The following AUTS2 variants were observed in gnomAD, a reference collection of about 807,000 sequenced individuals.
AUTS2 encodes the protein activator of transcription and developmental regulator AUTS2.
Under a neutral mutation model 112.4 loss-of-function variants are expected in AUTS2, and 17 were observed. The observed-to-expected ratio is 0.15, with a 90% CI of 0.10 to 0.23. The LOEUF is 0.23. Ranked by LOEUF, AUTS2 falls within the 10% of genes least tolerant of loss-of-function variation. AUTS2 has a pLI of 1.00. For synonymous variants in AUTS2, 751 were observed against 702.7 expected (o/e 1.07, Z -1.09); for missense variants, 1,510 against 1,701.6 (o/e 0.89, Z 1.98).
At chr7:70,367,372 C>T (rs1454262424) in intron 4 of AUTS2, among the ~76,000 whole-genome samples, 2 of 151,818 alleles carry the variant, frequency 1.3e-5, no homozygotes, top group African/African-American at 4.8e-5. Flanking sequence ...CTAGTTAACA[C>T]GGTGAAACCC....
At chr7:70,016,452 T>G (rs1455550094) in intron 2 of AUTS2, among the ~76,000 whole-genome samples, 1 of 152,094 alleles carries the variant, frequency 6.6e-6, no homozygotes, top group Non-Finnish European at 1.5e-5. Context: ...GAGGTGATTC[T>G]GAAGATAAAC....
intron 6 of AUTS2, among the ~76,000 whole-genome samples, chr7:70,749,133 G>A (rs184159235): frequency 1.2e-4 from 18 of 152,210 alleles, no homozygotes; most frequent in East Asian, 9.7e-4. Flanking sequence ...TCCCACCACC[G>A]CATCCTGTCC....
chr7:70,419,710 A>G (rs760740954), intron 4 of AUTS2, among the ~76,000 whole-genome samples: 3 of 152,230 alleles, frequency 2.0e-5, no homozygotes, highest in Non-Finnish European at 4.4e-5. Context: ...ATTATTTTCC[A>G]AATAGAAATT....
chr7:70,226,147 A>G (rs1489928780), intron 4 of AUTS2, among the ~76,000 whole-genome samples: 2 of 152,064 alleles, frequency 1.3e-5, no homozygotes, highest in African/African-American at 2.4e-5. Flanking sequence ...ATTATAAGCT[A>G]TTGTTCAACG....
chr7:69,633,924 G>A (rs1296689377), intron 1 of AUTS2, among the ~76,000 whole-genome samples: 1 of 151,882 alleles, frequency 6.6e-6, no homozygotes, highest in Non-Finnish European at 1.5e-5. Flanking sequence ...TTCTTTTGCT[G>A]TGCAGAAGCC....
intron 5 of AUTS2, among the ~76,000 whole-genome samples, chr7:70,510,580 A>G (rs1178759930): frequency 1.3e-5 from 2 of 152,194 alleles, no homozygotes; most frequent in Non-Finnish European, 2.9e-5. Context: ...ACTTACTATC[A>G]TTCTCTCACA....
chr7:69,994,435 G>C (rs547339190), intron 2 of AUTS2, among the ~76,000 whole-genome samples: 1 of 152,304 alleles, frequency 6.6e-6, no homozygotes, highest in East Asian at 1.9e-4. Context: ...TGTAGTAATT[G>C]AGTGCCAGTG....
chr7:70,233,341 C>T (rs1486269546), intron 4 of AUTS2, among the ~76,000 whole-genome samples: 3 of 152,160 alleles, frequency 2.0e-5, no homozygotes, highest in Non-Finnish European at 4.4e-5. Context: ...GAAATATTTT[C>T]TCTTGAGGAA....
intron 1 of AUTS2, among the ~76,000 whole-genome samples, chr7:69,876,349 A>AAAAAAT (rs1554396465): frequency 1.4e-4 from 4 of 29,492 alleles, no homozygotes; most frequent in African/African-American, 5.9e-4. Context: ...AAAAAAAAAA[A>AAAAAAT]ATATATATAT....
intron 6 of AUTS2, among the ~76,000 whole-genome samples, chr7:70,730,581 C>A (rs769710345): frequency 4.6e-5 from 7 of 152,200 alleles, no homozygotes; most frequent in African/African-American, 9.6e-5. Context: ...TGGAATATAT[C>A]AGCATTTCAT....
At chr7:70,026,709 A>C (rs1228923944) in intron 2 of AUTS2, among the ~76,000 whole-genome samples, 1 of 152,124 alleles carries the variant, frequency 6.6e-6, no homozygotes, top group East Asian at 1.9e-4. Context: ...TGCTATTTTG[A>C]AGGAAATAGA....
intron 5 of AUTS2, among the ~76,000 whole-genome samples, chr7:70,550,225 C>G (rs887340407): frequency 6.6e-6 from 1 of 152,158 alleles, no homozygotes; most frequent in African/African-American, 2.4e-5. Context: ...ATTGGCTGAG[C>G]AAGCCAAGAC....
At chr7:70,424,581 G>C (rs563288627) in intron 4 of AUTS2, among the ~76,000 whole-genome samples, 97 of 151,980 alleles carry the variant, frequency 6.4e-4, no homozygotes, top group African/African-American at 2.3e-3. Context: ...TTGTTTGTTT[G>C]TTTGTTTCTT....
intron 5 of AUTS2, among the ~76,000 whole-genome samples, chr7:70,580,094 C>G (rs1213952158): frequency 1.3e-5 from 2 of 152,134 alleles, no homozygotes; most frequent in Admixed American, 1.3e-4. Context: ...GTAACCAGCA[C>G]TGACTCGGTG....
At chr7:70,690,394 A>T (rs1808694812) in intron 5 of AUTS2, among the ~76,000 whole-genome samples, 1 of 152,224 alleles carries the variant, frequency 6.6e-6, no homozygotes, top group Non-Finnish European at 1.5e-5. Flanking sequence ...TTTTAAAACT[A>T]CATCATCCAT....
chr7:69,714,346 G>A (rs1220580029), intron 1 of AUTS2, among the ~76,000 whole-genome samples: 2 of 148,792 alleles, frequency 1.3e-5, no homozygotes, highest in African/African-American at 5.0e-5. Context: ...AGGCTCAATC[G>A]ATCCTCCTGC....
chr7:70,576,365 C>T (rs1802166221), intron 5 of AUTS2, among the ~76,000 whole-genome samples: 1 of 152,134 alleles, frequency 6.6e-6, no homozygotes, highest in Admixed American at 6.5e-5. Context: ...ACTTCTCATT[C>T]CTCCCACTGA....
intron 1 of AUTS2, among the ~76,000 whole-genome samples, chr7:69,676,850 G>C (rs980733181): frequency 1.4e-5 from 2 of 147,956 alleles, no homozygotes; most frequent in Non-Finnish European, 3.0e-5. Flanking sequence ...TTCTGAAACT[G>C]TTTTCTGACC....
chr7:70,433,322 A>G (rs1202422489), intron 4 of AUTS2, among the ~76,000 whole-genome samples: 2 of 152,162 alleles, frequency 1.3e-5, no homozygotes, highest in Non-Finnish European at 2.9e-5. Context: ...TTCAGCTGTC[A>G]TTGATTACCT....
Sources: allele counts gnomAD v4.1 joint callset (sites outside exome capture counted in the v4.1 genomes callset), GRCh38; gene constraint gnomAD v4.1.1; transcripts MANE v1.5; gene names NCBI Gene and HGNC (gene_info 2026-07-23, HGNC 2026-07-21).